The following DCUN1D5 variants were observed in gnomAD, a reference collection of about 807,000 sequenced individuals.
DCUN1D5 encodes defective in cullin neddylation 1 domain containing 5.
In DCUN1D5, 10 loss-of-function variants were observed where a neutral mutation model predicts 38.3. That is an observed-to-expected ratio of 0.26 (90% CI 0.16 to 0.44). The LOEUF (loss-of-function observed/expected upper bound fraction) is 0.44, where lower values mean the gene tolerates loss of function less well. Among genes scored for constraint, DCUN1D5 ranks in the 20% least tolerant of loss-of-function variants. The pLI is 1.00. For synonymous variants in DCUN1D5, 93 were observed against 90.9 expected (o/e 1.02, Z -0.13); for missense variants, 148 against 275.3 (o/e 0.54, Z 3.27).
chr11:103,091,884 C>G lies in DCUN1D5; in HGVS notation c.-12G>C. On this transcript the variant is annotated 5_prime_UTR_variant, in exon 1 of 8. Coordinates refer to ENST00000260247, the MANE Select transcript of DCUN1D5 (RefSeq NM_032299.4). This position sits in a 1 kb window ranked among gnomAD's most constrained non-coding sequence, Gnocchi z 4.3. Reference sequence around the variant, plus strand: ...TTCTTCACCGGCATCTTCCGCCCTCCCCGGCAGGGTGGGCAGGGGAGCCGG... The same window carrying G: ...TTCTTCACCGGCATCTTCCGCCCTCGCCGGCAGGGTGGGCAGGGGAGCCGG... 1 of 1,611,218 alleles carries G rather than the reference C, an allele frequency of 6.2e-7. No individual in the cohort carries two copies. Among genetic ancestry groups the G allele is most frequent in the Non-Finnish European group, 8.5e-7 (1 of 1,178,448 alleles).
rs1285651038 is a variant in DCUN1D5, at chr11:103,091,042, T to C, written c.86+745A>G. On this transcript the variant is annotated intron_variant, in intron 1 of 7. Coordinates refer to ENST00000260247, the MANE Select transcript of DCUN1D5 (RefSeq NM_032299.4). The surrounding 1 kb of genome is among the most constrained non-coding windows in gnomAD (Gnocchi z 4.3). ...AGGGGATCAAAGAGCTACTACTATA[T>C]AGTTCTGCCTTGTCTTCTTTCTTAC... Among the ~76,000 whole-genome samples, 2 of 152,176 alleles carry C rather than the reference T, an allele frequency of 1.3e-5. No individual in the cohort carries two copies. The highest frequency in any genetic ancestry group is 4.8e-5 in the African/African-American group (2 of 41,442).
chr11:103,069,407 T>C lies in DCUN1D5; in HGVS notation c.342-2840A>G, dbSNP rs576874984. Among the ~76,000 whole-genome samples, 8 of 152,260 alleles carry C rather than the reference T, an allele frequency of 5.3e-5. No individual in the cohort carries two copies. The South Asian group carries it at 8.3e-4, about 16-fold the overall frequency. ...CAGTTAAAAACCACTGAAAAAACTA[T>C]GGCCCAACTCCCACCAATGCCAGCA... On this transcript the variant is annotated intron_variant, in intron 4 of 7. Transcript: ENST00000260247.
In DCUN1D5 at chr11:103,063,290, T is replaced by G. The variant is rs1011172825; in HGVS notation, c.659-876A>C. 6.6e-6 allele frequency among the ~76,000 whole-genome samples: 1 copy of G among 152,166 alleles called. No homozygotes were observed. Among genetic ancestry groups the G allele is most frequent in the Non-Finnish European group, 1.5e-5 (1 of 67,996 alleles). On this transcript the variant is annotated intron_variant, in intron 7 of 7. Transcript: ENST00000260247. The surrounding 1 kb of genome is among the most constrained non-coding windows in gnomAD (Gnocchi z 4.6). ...AAAGGTACAGTTTTGTCAGACTTTT[T>G]AAATTTTTCCAACAAATCTAAATGT...
Position 103,086,231 on chromosome 11 carries a change from AAGAG to A in DCUN1D5, c.179-2909_179-2906del, listed in dbSNP as rs372509143. ...ACAGCACCTTCAACATGAGCTACGT[AAGAG>A]TCATTAATTTTGGAACACTGTAAAA... is the stretch of plus-strand genomic sequence containing the variant. On this transcript the variant is annotated intron_variant, in intron 2 of 7. Transcript: ENST00000260247. This position sits in a 1 kb window ranked among gnomAD's most constrained non-coding sequence, Gnocchi z 4.1. Among the ~76,000 whole-genome samples the A allele has an allele frequency of 1.3e-5, 2 of 152,200 alleles. No individual in the cohort carries two copies. The highest frequency in any genetic ancestry group is 4.8e-5 in the African/African-American group (2 of 41,446).
rs774793848 is a variant in DCUN1D5 at position 103,062,448 on chromosome 11, A to T, written c.659-34T>A. On this transcript the variant is annotated intron_variant, in intron 7 of 7. Coordinates refer to ENST00000260247, the MANE Select transcript of DCUN1D5 (RefSeq NM_032299.4). This position sits in a 1 kb window ranked among gnomAD's most constrained non-coding sequence, Gnocchi z 4.6. ...AAAGAAACCATTTTTGTCAGAATTCAGTGAACTCATCTCTCCAATTATAAA... is the reference window on the plus strand; with the variant it reads ...AAAGAAACCATTTTTGTCAGAATTCTGTGAACTCATCTCTCCAATTATAAA... 1.3e-6 allele frequency: 2 copies of T among 1,587,240 alleles called. No individual in the cohort carries two copies. The highest frequency in any genetic ancestry group is 3.4e-5 in the Admixed American group (2 of 59,062).
rs1164456928 is a variant in DCUN1D5 at position 103,083,574 on chromosome 11, T to C, written c.179-248A>G. ...TAAAAAGCAGCAAAGAAATACTCCA[T>C]TAGTATCAATCACAAGTTAGTACAA... On this transcript the variant is annotated intron_variant, in intron 2 of 7. Transcript: ENST00000260247. This position sits in a 1 kb window ranked among gnomAD's most constrained non-coding sequence, Gnocchi z 4.4. Among the ~76,000 whole-genome samples, 1 of 151,918 alleles carries C rather than the reference T, an allele frequency of 6.6e-6. No individual in the cohort carries two copies. Among genetic ancestry groups the C allele is most frequent in the African/African-American group, 2.4e-5 (1 of 41,400 alleles).
intron 4 of DCUN1D5, among the ~76,000 whole-genome samples, chr11:103,079,517 G>A (rs947984230): frequency 6.6e-6 from 1 of 152,166 alleles, no homozygotes; most frequent in African/African-American, 2.4e-5. Flanking sequence ...GATCACTTGA[G>A]CCCAGGAGTT....
At chr11:103,074,750 G>T (rs1862367670) in intron 4 of DCUN1D5, among the ~76,000 whole-genome samples, 1 of 152,138 alleles carries the variant, frequency 6.6e-6, no homozygotes, top group Non-Finnish European at 1.5e-5. Flanking sequence ...ATTATTCGGA[G>T]TCTGATATCT....
In DCUN1D5 at chr11:103,062,442, G is replaced by A; in HGVS notation, c.659-28C>T. The A allele has an allele frequency of 6.3e-7, 1 of 1,599,742 alleles. No homozygotes were observed. Among genetic ancestry groups the A allele is most frequent in the Non-Finnish European group, 8.6e-7 (1 of 1,169,288 alleles). On this transcript the variant is annotated intron_variant, in intron 7 of 7. Coordinates refer to ENST00000260247, the MANE Select transcript of DCUN1D5 (RefSeq NM_032299.4). The surrounding 1 kb of genome is among the most constrained non-coding windows in gnomAD (Gnocchi z 4.6). ...AGAAAAAAAGAAACCATTTTTGTCA[G>A]AATTCAGTGAACTCATCTCTCCAAT...
intron 4 of DCUN1D5, among the ~76,000 whole-genome samples, chr11:103,075,546 T>C (rs1421390658): frequency 6.6e-6 from 1 of 152,156 alleles, no homozygotes; most frequent in Non-Finnish European, 1.5e-5. Context: ...CATGCCCAGC[T>C]AATTTTTGTA....
Position 103,089,668 on chromosome 11 carries a change from TTGTG to T in DCUN1D5, c.87-354_87-351del, listed in dbSNP as rs375587877. Among the ~76,000 whole-genome samples the T allele has an allele frequency of 1.6e-3, 248 of 152,276 alleles. 1 individual carries two copies. Among genetic ancestry groups the T allele is most frequent in the African/African-American group, 5.6e-3 (232 of 41,568 alleles). On this transcript the variant is annotated intron_variant, in intron 1 of 7. Transcript: ENST00000260247. ...CTATTGATTTGCATAGAAATTCTAT[TTGTG>T]TGTAATAGATAAATATTTGAAAACA...
At position 103,091,736 on chromosome 11, in the gene DCUN1D5, G is replaced by T. The variant is rs747283440; in HGVS notation, c.86+51C>A. 2.5e-6 allele frequency: 4 copies of T among 1,613,188 alleles called. No homozygotes were observed. The South Asian group carries it at 4.4e-5, about 18-fold the overall frequency. ...GGGCCCGACTCCTTTTCCTCCAGTT[G>T]TCCAGCAAAGGAGGGAGGAGGGAAG... On this transcript the variant is annotated intron_variant, in intron 1 of 7. Coordinates refer to ENST00000260247, the MANE Select transcript of DCUN1D5 (RefSeq NM_032299.4). The surrounding 1 kb of genome is among the most constrained non-coding windows in gnomAD (Gnocchi z 4.3).
chr11:103,051,171 T>A lies in DCUN1D5; in HGVS notation c.*11188A>T, dbSNP rs1444733756. ...TCAGTTGGTGGTCTGTCATCTTTTT[T>A]CCAATTATTTTGTAACATTGGACTA... On this transcript the variant is annotated 3_prime_UTR_variant, in exon 8 of 8. Coordinates refer to ENST00000260247, the MANE Select transcript of DCUN1D5 (RefSeq NM_032299.4). 6.6e-6 allele frequency: 1 copy of A among 152,242 alleles called. No homozygotes were observed. Among genetic ancestry groups the A allele is most frequent in the Non-Finnish European group, 1.5e-5 (1 of 68,048 alleles). The allele number at this position is 152,242 out of a possible 1,614,324, so 9.4% of individuals were successfully genotyped here.
rs934382375 is a variant in DCUN1D5 at position 103,058,439 on chromosome 11, G to C, written c.*3920C>G. On this transcript the variant is annotated 3_prime_UTR_variant, in exon 8 of 8. Transcript: ENST00000260247. ...AGATCTAAAGATTTGTTCCAGTGAA[G>C]TACAAGTTCACTAGAAAAATCTCTA... Among the ~76,000 whole-genome samples the C allele has an allele frequency of 6.6e-6, 1 of 152,136 alleles. No individual in the cohort carries two copies. The highest frequency in any genetic ancestry group is 1.5e-5 in the Non-Finnish European group (1 of 67,990).
In DCUN1D5 at chr11:103,057,950, A is replaced by C. The variant is rs1206512052; in HGVS notation, c.*4409T>G. Among the ~76,000 whole-genome samples the C allele has an allele frequency of 1.3e-5, 2 of 152,150 alleles. No individual in the cohort carries two copies. Among genetic ancestry groups the C allele is most frequent in the African/African-American group, 4.8e-5 (2 of 41,444 alleles). On this transcript the variant is annotated 3_prime_UTR_variant, in exon 8 of 8. Coordinates refer to ENST00000260247, the MANE Select transcript of DCUN1D5 (RefSeq NM_032299.4). This position sits in a 1 kb window ranked among gnomAD's most constrained non-coding sequence, Gnocchi z 4.8. ...AGCCAAAAACACCCCAGAAGGATAA[A>C]ACTTCTAAAAAATGATATAATTTGG...
chr11:103,091,951 AC>A lies in DCUN1D5; in HGVS notation c.-80del. 7.3e-7 allele frequency: 1 copy of A among 1,373,446 alleles called. No individual in the cohort carries two copies. Among genetic ancestry groups the A allele is most frequent in the Non-Finnish European group, 9.9e-7 (1 of 1,005,442 alleles). The allele number at this position is 1,373,446 out of a possible 1,614,324, so 85.1% of individuals were successfully genotyped here. ...CCGCTGGAAGCCCCTCAGCGCTGGC[AC>A]CCAGTTCCCAGAGACAGCAGCAAGC... On this transcript the variant is annotated 5_prime_UTR_variant, in exon 1 of 8. Coordinates refer to ENST00000260247, the MANE Select transcript of DCUN1D5 (RefSeq NM_032299.4). The surrounding 1 kb of genome is among the most constrained non-coding windows in gnomAD (Gnocchi z 4.3).
rs1372399194 is a variant in DCUN1D5, at chr11:103,061,820, G to C, written c.*539C>G. ...TTATAGAAACCCAGAGCTAAAAGTA[G>C]GAGCATTTTTCCAATACCTAGAAAT... On this transcript the variant is annotated 3_prime_UTR_variant, in exon 8 of 8. Transcript: ENST00000260247. 1.3e-5 allele frequency among the ~76,000 whole-genome samples: 2 copies of C among 152,014 alleles called. No homozygotes were observed.
intron 4 of DCUN1D5, among the ~76,000 whole-genome samples, chr11:103,081,019 A>AAAC (rs1433521456): frequency 1.3e-5 from 2 of 152,258 alleles, no homozygotes; most frequent in Non-Finnish European, 2.9e-5. Context: ...AAAAAAAAAA[A>AAAC]AACATGCTCA....
rs1861741921 is a variant in DCUN1D5 at position 103,051,662 on chromosome 11, C to T, written c.*10697G>A. The T allele has an allele frequency of 6.6e-6, 1 of 152,160 alleles. No homozygotes were observed. Among genetic ancestry groups the T allele is most frequent in the South Asian group, 2.1e-4 (1 of 4,824 alleles). The allele number at this position is 152,160 out of a possible 1,614,324, so 9.4% of individuals were successfully genotyped here. A position where few individuals can be genotyped will look rare whatever the true frequency, so the allele number is the denominator to read the frequency against. On this transcript the variant is annotated 3_prime_UTR_variant, in exon 8 of 8. Transcript: ENST00000260247. ...ATTCAAAGCATAGCATTAGGTTTTACTTAGCATTTTACAAACACTTTTAAG... is the reference window on the plus strand; with the variant it reads ...ATTCAAAGCATAGCATTAGGTTTTATTTAGCATTTTACAAACACTTTTAAG...
Sources: gnomAD v4.1 joint callset for allele counts (sites outside exome capture counted in the v4.1 genomes callset) on GRCh38, gnomAD v4.1.1 for gene constraint, Gnocchi (gnomAD v3.1) non-coding constraint, MANE v1.5 for transcripts, NCBI Gene and HGNC (gene_info 2026-07-23, HGNC 2026-07-21) for gene names.